ENPP1: variants seen among roughly 807,000 people sequenced by gnomAD.
ENPP1 encodes ectonucleotide pyrophosphatase/phosphodiesterase family member 1.
ENPP1 carries 73 observed loss-of-function variants against 122.8 expected under a neutral mutation model. That is an observed-to-expected ratio of 0.59 (90% CI 0.49 to 0.72). The LOEUF is 0.72. Among genes scored for constraint, ENPP1 ranks in the 30% least tolerant of loss-of-function variants. The pLI is 0.00. For missense variants in ENPP1, 978 were observed against 1,128.1 expected, an observed-to-expected ratio of 0.87 and a Z score of 1.91; for synonymous variants, 367 against 391.6, an observed-to-expected ratio of 0.94 and a Z score of 0.74.
Position 131,808,204 on chromosome 6 carries a change from G to C in ENPP1, c.169G>C (p.Glu57Gln), listed in dbSNP as rs903591723. 9.2e-5 allele frequency: 139 copies of C among 1,511,298 alleles called. No individual in the cohort carries two copies. The highest frequency in any genetic ancestry group is 1.2e-4 in the Non-Finnish European group (137 of 1,129,896). The allele number at this position is 1,511,298 out of a possible 1,614,324, so 93.6% of individuals were successfully genotyped here. ...ASLLAPMDVG[E>Q]EPLEKAARAR... ...CTTGCTGGCCCCTATGGACGTGGGG[G>C]AGGAGCCGCTGGAGAAGGCGGCGCG... is the stretch of plus-strand genomic sequence containing the variant. The change falls in exon 1 of 25, where the codon GAG becomes CAG. Residue 57 changes from glutamate to glutamine, a missense_variant. Glu to Gln is a conservative substitution (Grantham distance 29). Transcript: ENST00000647893.
intron 1 of ENPP1, chr6:131,827,946 A>G (rs923655306): frequency 3.2e-6 from 3 of 939,498 alleles, no homozygotes; most frequent in African/African-American, 1.6e-5. Context: ...CGAAGCACTT[A>G]TAAAGGATGG....
intron 17 of ENPP1, among the ~76,000 whole-genome samples, chr6:131,876,443 G>A (rs1585836564): frequency 6.6e-6 from 1 of 152,150 alleles, no homozygotes; most frequent in East Asian, 1.9e-4. Context: ...TTCTTTTAGT[G>A]GGAGTCTATA....
In ENPP1 at chr6:131,886,588, A is replaced by G. The variant is rs946407399; in HGVS notation, c.2471A>G (p.Glu824Gly). 1 of 1,613,874 alleles carries G rather than the reference A, an allele frequency of 6.2e-7. No homozygotes were observed. The highest frequency in any genetic ancestry group is 1.3e-5 in the African/African-American group (1 of 75,060). Residue 824 changes from glutamate (E) to glycine (G), a missense_variant, in exon 24 of 25, where the codon GAA (glutamate) becomes GGA (glycine). By Grantham distance (98) the Glu-to-Gly change is moderately conservative (BLOSUM62 -2). Coordinates refer to ENST00000647893, the MANE Select transcript of ENPP1 (RefSeq NM_006208.3). ...AAAAGAAGAGTCATCCGTAACCAAGAAATTTTGATTCCAACTCACTTCTTT... is the reference window on the plus strand; with the variant it reads ...AAAAGAAGAGTCATCCGTAACCAAGGAATTTTGATTCCAACTCACTTCTTT... Reference protein sequence around the residue: ...RQKRRVIRNQEILIPTHFFIV... With the variant: ...RQKRRVIRNQGILIPTHFFIV...
chr6:131,821,368 T>C (rs1781482732), intron 1 of ENPP1, among the ~76,000 whole-genome samples: 1 of 152,148 alleles, frequency 6.6e-6, no homozygotes, highest in Admixed American at 6.5e-5. Flanking sequence ...TAAAACAAAA[T>C]GAAAAAACTC....
intron 1 of ENPP1, chr6:131,826,605 G>T: frequency 9.9e-7 from 1 of 1,014,462 alleles, no homozygotes; most frequent in Non-Finnish European, 1.5e-6. Context: ...TGCATTCCAG[G>T]TCACAGCTGA....
intron 1 of ENPP1, among the ~76,000 whole-genome samples, chr6:131,829,780 C>T (rs539889960): frequency 6.6e-6 from 1 of 152,304 alleles, no homozygotes; most frequent in Admixed American, 6.5e-5. Context: ...GAAACCAGAG[C>T]TTGGGAGCTA....
At chr6:131,827,967 C>A in intron 1 of ENPP1, 1 of 811,004 alleles carries the variant, frequency 1.2e-6, no homozygotes. Context: ...CCACAAAATG[C>A]TCAAGCTTGG....
chr6:131,892,874 G>A lies in ENPP1; in HGVS notation c.*2363G>A, dbSNP rs1782489493. ...CTTGGCTACCCTTTTCTGGTCCTTT[G>A]GCAGGAGAGAGCAGGACTCTCTTAG... On this transcript the variant is annotated 3_prime_UTR_variant, in exon 25 of 25. Transcript: ENST00000647893. The A allele has an allele frequency of 6.6e-6, 1 of 152,060 alleles. No individual in the cohort carries two copies. Among genetic ancestry groups the A allele is most frequent in the Non-Finnish European group, 1.5e-5 (1 of 68,016 alleles). 9.4% of individuals were successfully genotyped at this position (152,060 alleles called of 1,614,324 possible).
At chr6:131,824,626 T>C (rs919375052) in intron 1 of ENPP1, among the ~76,000 whole-genome samples, 3 of 152,154 alleles carry the variant, frequency 2.0e-5, no homozygotes, top group Non-Finnish European at 4.4e-5. Flanking sequence ...AGCTAACTTT[T>C]TGTATTTTTA....
intron 1 of ENPP1, among the ~76,000 whole-genome samples, chr6:131,825,532 C>G (rs1781536154): frequency 6.6e-6 from 1 of 152,146 alleles, no homozygotes; most frequent in Non-Finnish European, 1.5e-5. Context: ...ATTGACAGTA[C>G]AGATCTGTGG....
chr6:131,852,540 A>G (rs1412390975), intron 5 of ENPP1, among the ~76,000 whole-genome samples: 3 of 152,128 alleles, frequency 2.0e-5, no homozygotes, highest in Non-Finnish European at 4.4e-5. Flanking sequence ...AGCATTTGAG[A>G]TGTCAGATTT....
chr6:131,850,114 T>A lies in ENPP1; in HGVS notation c.430+8T>A. The A allele has an allele frequency of 6.4e-7, 1 of 1,564,234 alleles. No homozygotes were observed. Among genetic ancestry groups the A allele is most frequent in the Non-Finnish European group, 8.8e-7 (1 of 1,134,504 alleles). ...AGACGTGCATAGAACCAGGTAAGGATGAGCAGGGAAAAAAGTGGAGTTATG... is the reference window on the plus strand; with the variant it reads ...AGACGTGCATAGAACCAGGTAAGGAAGAGCAGGGAAAAAAGTGGAGTTATG... On this transcript the variant is annotated splice_region_variant and intron_variant, in intron 3 of 24. Transcript: ENST00000647893.
intron 1 of ENPP1, chr6:131,827,052 G>A (rs1244581786): frequency 4.6e-5 from 27 of 582,176 alleles, no homozygotes; most frequent in East Asian, 3.2e-4. Context: ...GACGGCAGAC[G>A]GCAGCTTCAC....
At chr6:131,872,896 G>A (rs1782180564) in intron 14 of ENPP1, 27 bp from the exon 15 acceptor site, 7 of 1,612,244 alleles carry the variant, frequency 4.3e-6, no homozygotes, top group Non-Finnish European at 5.9e-6. Context: ...GGAAATAATA[G>A]TTTTTCTTTG....
At chr6:131,866,533 G>A (rs539997900) in intron 11 of ENPP1, among the ~76,000 whole-genome samples, 4 of 152,236 alleles carry the variant, frequency 2.6e-5, no homozygotes, top group African/African-American at 7.2e-5. Flanking sequence ...CTGGGTCTGC[G>A]CTAGATTTGC....
intron 1 of ENPP1, among the ~76,000 whole-genome samples, chr6:131,829,126 A>G (rs953272476): frequency 1.2e-4 from 19 of 152,242 alleles, no homozygotes; most frequent in African/African-American, 4.1e-4. Context: ...TGTTTTTTGG[A>G]TAAGATTCAT....
Position 131,893,181 on chromosome 6 carries a change from A to G in ENPP1, c.*2670A>G, listed in dbSNP as rs1036589904. The stretch of plus-strand genomic sequence containing the variant: ...ATATTTTTCCAGCACACAAACATAC[A>G]CAATTTAACTCAAAGCATCTTAGCA... On this transcript the variant is annotated 3_prime_UTR_variant, in exon 25 of 25. Coordinates refer to ENST00000647893, the MANE Select transcript of ENPP1 (RefSeq NM_006208.3). The G allele has an allele frequency of 2.0e-5, 3 of 152,228 alleles. No homozygotes were observed. The highest frequency in any genetic ancestry group is 6.8e-3 in the Middle Eastern group (2 of 294). 9.4% of individuals were successfully genotyped at this position (152,228 alleles called of 1,614,324 possible). A position where few individuals can be genotyped will look rare whatever the true frequency, so the allele number is the denominator to read the frequency against.
intron 1 of ENPP1, among the ~76,000 whole-genome samples, chr6:131,816,698 C>G (rs924337442): frequency 6.6e-6 from 1 of 152,148 alleles, no homozygotes; most frequent in African/African-American, 2.4e-5. Flanking sequence ...ATTATTTTTA[C>G]CTTTTTTTAC....
At chr6:131,813,145 G>A (rs769645760) in intron 1 of ENPP1, among the ~76,000 whole-genome samples, 18 of 151,994 alleles carry the variant, frequency 1.2e-4, no homozygotes, top group Non-Finnish European at 2.5e-4. Context: ...CCGGTGATTC[G>A]GAGATTCTTT....
Sources: allele counts gnomAD v4.1 joint callset (sites outside exome capture counted in the v4.1 genomes callset), GRCh38; gene constraint gnomAD v4.1.1; transcripts MANE v1.5; gene names NCBI Gene and HGNC (gene_info 2026-07-23, HGNC 2026-07-21).